Variants in FAM117B observed in about 807,000 individuals in gnomAD.
FAM117B encodes the protein family with sequence similarity 117 member B.
FAM117B carries 22 observed loss-of-function variants against 52.8 expected under a neutral mutation model. The ratio of observed to expected loss-of-function variants is 0.42; its 90% CI spans 0.30 to 0.59. The LOEUF (loss-of-function observed/expected upper bound fraction) is 0.59, where lower values mean the gene tolerates loss of function less well. Among genes scored for constraint, FAM117B ranks in the 20% least tolerant of loss-of-function variants. The pLI is 0.22. For missense variants in FAM117B, 678 were observed against 802.6 expected (o/e 0.84, Z 1.88); for synonymous variants, 309 against 324.1 (o/e 0.95, Z 0.50).
At chr2:202,662,119 GGTGT>G (rs35842700) in intron 1 of FAM117B, among the ~76,000 whole-genome samples, 16 of 149,682 alleles carry the variant, frequency 1.1e-4, no homozygotes, top group South Asian at 6.4e-4. Flanking sequence ...ATGTGAGGTA[GGTGT>G]GTGTGTGTGT....
chr2:202,686,977 G>A (rs1282283660), intron 1 of FAM117B, among the ~76,000 whole-genome samples: 3 of 152,226 alleles, frequency 2.0e-5, no homozygotes, highest in East Asian at 3.9e-4. Context: ...GAGAAGTCCC[G>A]TTATCTGCAG....
At chr2:202,692,324 A>G (rs1690645789) in intron 1 of FAM117B, among the ~76,000 whole-genome samples, 1 of 152,226 alleles carries the variant, frequency 6.6e-6, no homozygotes, top group Non-Finnish European at 1.5e-5. Flanking sequence ...GATAAAATAT[A>G]TGAGGGTGTT....
At chr2:202,758,544 T>C (rs1691837912) in intron 6 of FAM117B, among the ~76,000 whole-genome samples, 1 of 152,250 alleles carries the variant, frequency 6.6e-6, no homozygotes, top group East Asian at 1.9e-4. Context: ...GCAAGGAGTT[T>C]GTAGCTTAGC....
At chr2:202,726,465 A>G in intron 4 of FAM117B, 102 bp downstream of exon 4, 4 of 789,920 alleles carry the variant, frequency 5.1e-6, no homozygotes, top group Middle Eastern at 2.4e-4. Flanking sequence ...GCTCAAAAAC[A>G]TATTTGAAAC....
At chr2:202,746,876 TC>T (rs545381170) in intron 4 of FAM117B, among the ~76,000 whole-genome samples, 69 of 151,368 alleles carry the variant, frequency 4.6e-4, no homozygotes, top group Non-Finnish European at 9.1e-4. Flanking sequence ...GGAAGGAGTT[TC>T]TCCTAACTCA....
At chr2:202,730,124 T>G (rs1422515970) in intron 4 of FAM117B, among the ~76,000 whole-genome samples, 1 of 152,158 alleles carries the variant, frequency 6.6e-6, no homozygotes, top group African/African-American at 2.4e-5. Context: ...TGGTAAGCAT[T>G]TGGATACATT....
Position 202,635,088 on chromosome 2 carries a change from G to A in FAM117B, c.-100G>A, listed in dbSNP as rs1689653864. 8.0e-7 allele frequency: 1 copy of A among 1,242,616 alleles called. No homozygotes were observed. 77.0% of individuals were successfully genotyped at this position (1,242,616 alleles called of 1,614,324 possible). ...CCCCGGAGTCCGGCTTCGTCACCCC[G>A]TCTTGGGGGGCCTGCCCTCCGGCCT... On this transcript the variant is annotated 5_prime_UTR_variant, in exon 1 of 8. Transcript: ENST00000392238.
intron 1 of FAM117B, among the ~76,000 whole-genome samples, chr2:202,638,803 A>T (rs1343386075): frequency 2.6e-5 from 4 of 151,898 alleles, no homozygotes; most frequent in African/African-American, 9.7e-5. Context: ...AAAAACTCTT[A>T]TTTTTCTAGT....
intron 1 of FAM117B, among the ~76,000 whole-genome samples, chr2:202,644,064 G>GTTTTTTTTTTTTTTTTTTTTTTTTTTTTT (rs1161026426): frequency 3.2e-5 from 3 of 95,138 alleles, no homozygotes; most frequent in Admixed American, 1.3e-4. Flanking sequence ...TTTTTTTTTT[G>GTTTTTTTTTTTTTTTTTTTTTTTTTTTTT]TTTTTTTTTT....
At position 202,667,646 on chromosome 2, in the gene FAM117B, A is replaced by G. The variant is rs191791633; in HGVS notation, c.602-28235A>G. 2.0e-4 allele frequency among the ~76,000 whole-genome samples: 30 copies of G among 152,318 alleles called. 1 individual carries two copies. Among genetic ancestry groups the G allele is most frequent in the Admixed American group, 7.8e-4 (12 of 15,306 alleles). On this transcript the variant is annotated intron_variant, in intron 1 of 7. Coordinates refer to ENST00000392238, the MANE Select transcript of FAM117B (RefSeq NM_173511.4). Reference sequence around the variant, plus strand: ...GGTGTTATGTTTTAGACCAATCTCAAGATAAACCTTAGCCATTTGGCCCCA... The same window carrying G: ...GGTGTTATGTTTTAGACCAATCTCAGGATAAACCTTAGCCATTTGGCCCCA...
chr2:202,641,966 G>C (rs1246723933), intron 1 of FAM117B, among the ~76,000 whole-genome samples: 2 of 141,878 alleles, frequency 1.4e-5, no homozygotes, highest in South Asian at 4.4e-4. Flanking sequence ...TTTTTTTATC[G>C]GAGTCTTACT....
At chr2:202,651,375 CCT>C (rs1559094449) in intron 1 of FAM117B, among the ~76,000 whole-genome samples, 3 of 141,290 alleles carry the variant, frequency 2.1e-5, no homozygotes, top group Admixed American at 7.1e-5. Context: ...ATTTACCATT[CCT>C]TTTTTTTTTT....
intron 1 of FAM117B, among the ~76,000 whole-genome samples, chr2:202,647,777 G>A (rs889828739): frequency 1.2e-4 from 19 of 152,206 alleles, no homozygotes; most frequent in African/African-American, 2.9e-4. Context: ...CTCTTTTCCC[G>A]TGTATTGTTC....
chr2:202,740,045 C>T (rs994124071), intron 4 of FAM117B, among the ~76,000 whole-genome samples: 5 of 151,034 alleles, frequency 3.3e-5, no homozygotes, highest in Non-Finnish European at 5.9e-5. Flanking sequence ...TGGTGGCGGG[C>T]GCCTGTAGTC....
At chr2:202,716,583 C>A (rs781183346) in intron 2 of FAM117B, among the ~76,000 whole-genome samples, 5 of 152,080 alleles carry the variant, frequency 3.3e-5, no homozygotes, top group Non-Finnish European at 7.4e-5. Flanking sequence ...TACAAGGCCC[C>A]GTTTGAATAA....
rs557587484 is a variant in FAM117B, at chr2:202,715,829, C to T, written c.754-9088C>T. 4.6e-5 allele frequency among the ~76,000 whole-genome samples: 7 copies of T among 152,374 alleles called. 1 individual carries two copies. The South Asian group carries it at 8.3e-4, about 18-fold the overall frequency. ...GTGAATGAGACTCCGTCTGCAATCC[C>T]GGCACCTCGGGAGGCCGAGGCTGGC... On this transcript the variant is annotated intron_variant, in intron 2 of 7. Coordinates refer to ENST00000392238, the MANE Select transcript of FAM117B (RefSeq NM_173511.4).
intron 1 of FAM117B, among the ~76,000 whole-genome samples, chr2:202,657,626 C>T (rs58780934): frequency 0.56 from 84,954 of 151,898 alleles, 24,691 homozygotes; most frequent in African/African-American, 0.68. Context: ...GTAGCTGAGA[C>T]TATAGGCGCA....
chr2:202,672,895 C>T (rs572652278), intron 1 of FAM117B, among the ~76,000 whole-genome samples: 1 of 151,808 alleles, frequency 6.6e-6, no homozygotes, highest in East Asian at 1.9e-4. Context: ...AAAAAATTAG[C>T]CAGGCGAGCT....
intron 2 of FAM117B, among the ~76,000 whole-genome samples, chr2:202,721,579 A>G (rs1296700723): frequency 4.6e-5 from 7 of 152,174 alleles, no homozygotes; most frequent in Non-Finnish European, 1.0e-4. Context: ...TAAAAATTAA[A>G]CCCTTTACAT....
Sources: allele counts gnomAD v4.1 joint callset (sites outside exome capture counted in the v4.1 genomes callset), GRCh38; gene constraint gnomAD v4.1.1; transcripts MANE v1.5; gene names NCBI Gene and HGNC (gene_info 2026-07-23, HGNC 2026-07-21).